The following CUX2 variants were observed in gnomAD, a reference collection of about 807,000 sequenced individuals.
The protein encoded by CUX2 is cut like homeobox 2.
CUX2 carries 40 observed loss-of-function variants against 144.8 expected under a neutral mutation model. The ratio of observed to expected loss-of-function variants is 0.28; its 90% CI spans 0.21 to 0.36. The LOEUF (loss-of-function observed/expected upper bound fraction) is 0.36. Ranked by LOEUF, CUX2 falls within the 10% of genes least tolerant of loss-of-function variation. The probability of loss-of-function intolerance (pLI) is 1.00; values close to 1 mark genes in which losing one functional copy is unlikely to be tolerated. For missense variants in CUX2, 1,615 were observed against 1,994.0 expected, an observed-to-expected ratio of 0.81 and a Z score of 3.62; for synonymous variants, 827 against 875.6, an observed-to-expected ratio of 0.94 and a Z score of 0.98.
intron 4 of CUX2, among the ~76,000 whole-genome samples, chr12:111,274,785 T>G (rs1884783338): frequency 6.6e-6 from 1 of 152,156 alleles, no homozygotes; most frequent in African/African-American, 2.4e-5. Flanking sequence ...CGAAGATATT[T>G]TGGAGGGGTG....
chr12:111,151,127 G>C (rs1295727993), intron 1 of CUX2, among the ~76,000 whole-genome samples: 1 of 152,230 alleles, frequency 6.6e-6, no homozygotes, highest in African/African-American at 2.4e-5. Flanking sequence ...TGTACTAACT[G>C]GTTCCTGCCT....
chr12:111,229,603 T>C (rs762027888), intron 3 of CUX2, among the ~76,000 whole-genome samples: 2 of 152,104 alleles, frequency 1.3e-5, no homozygotes, highest in African/African-American at 2.4e-5. Context: ...GATCACCCAG[T>C]TGAAAGAAAT....
At chr12:111,195,570 GAC>G (rs1566288439) in intron 1 of CUX2, among the ~76,000 whole-genome samples, 1 of 152,192 alleles carries the variant, frequency 6.6e-6, no homozygotes, top group African/African-American at 2.4e-5. Flanking sequence ...CTTGTGGACT[GAC>G]AGACACGAGT....
intron 1 of CUX2, among the ~76,000 whole-genome samples, chr12:111,048,043 G>A (rs1870082289): frequency 6.6e-6 from 1 of 152,178 alleles, no homozygotes; most frequent in South Asian, 2.1e-4. Context: ...GGCCAGTGAG[G>A]CTAGAGAGGG....
rs1381221552 is a variant in CUX2 at position 111,310,049 on chromosome 12, C to G, written c.1267C>G (p.Pro423Ala). 3 of 1,343,852 alleles carry G rather than the reference C, an allele frequency of 2.2e-6. No individual in the cohort carries two copies. In the East Asian group the frequency reaches 8.5e-5, roughly 38 times the overall value. The allele number at this position is 1,343,852 out of a possible 1,614,324, so 83.2% of individuals were successfully genotyped here. A position where few individuals can be genotyped will look rare whatever the true frequency, so the allele number is the denominator to read the frequency against. ...PSLLASPEED[P>A]SEDDSIKDSL... ...CTGTCTGGGTGTTCTAGAGGAAGAC[C>G]CATCAGAGGACGATTCCATCAAGGA... The change falls in exon 15 of 22, where the codon CCA becomes GCA. Residue 423 changes from proline (P) to alanine (A), a missense_variant. This residue lies in a region of CUX2 where 57 missense variants were observed against 60.8 expected (regional missense o/e 0.94). Coordinates refer to ENST00000261726, the MANE Select transcript of CUX2 (RefSeq NM_015267.4). The surrounding 1 kb of genome is among the most constrained non-coding windows in gnomAD (Gnocchi z 7.9).
chr12:111,327,116 G>A (rs1887859396), intron 18 of CUX2, among the ~76,000 whole-genome samples: 2 of 151,978 alleles, frequency 1.3e-5, no homozygotes, highest in Admixed American at 6.6e-5. Context: ...CTGGAATTCC[G>A]CTTTCTTTCT....
chr12:111,200,438 T>C (rs1454037848), intron 1 of CUX2, among the ~76,000 whole-genome samples: 1 of 152,006 alleles, frequency 6.6e-6, no homozygotes, highest in Non-Finnish European at 1.5e-5. Flanking sequence ...GCAAGAACTG[T>C]ATCTCAGGAC....
rs894531920 is a variant in CUX2 at position 111,307,116 on chromosome 12, G to A, written c.1050+4G>A. The A allele has an allele frequency of 6.2e-7, 1 of 1,612,908 alleles. No individual in the cohort carries two copies. The highest frequency in any genetic ancestry group is 1.1e-5 in the South Asian group (1 of 91,026). On this transcript the variant is annotated splice_donor_region_variant and intron_variant, in intron 11 of 21. Transcript: ENST00000261726. This position sits in a 1 kb window ranked among gnomAD's most constrained non-coding sequence, Gnocchi z 4.1. ...GGCCAAGTCCGAGGCCATAGAAGTGGGTCCTGGGGAGGAGGCAGGCGGGCA... is the reference window on the plus strand; with the variant it reads ...GGCCAAGTCCGAGGCCATAGAAGTGAGTCCTGGGGAGGAGGCAGGCGGGCA...
At chr12:111,337,098 C>T (rs1888386604) in intron 19 of CUX2, among the ~76,000 whole-genome samples, 1 of 151,972 alleles carries the variant, frequency 6.6e-6, no homozygotes, top group Non-Finnish European at 1.5e-5. Flanking sequence ...TGGCTTGAGC[C>T]CAGGAGACAG....
intron 1 of CUX2, among the ~76,000 whole-genome samples, chr12:111,170,441 G>GAA (rs66614071): frequency 0.11 from 14,743 of 140,118 alleles, 1,902 homozygotes; most frequent in African/African-American, 0.29. Context: ...AAGAAAGAAA[G>GAA]AAAAAAAAAA....
chr12:111,279,316 C>T lies in CUX2; in HGVS notation c.302-12102C>T, dbSNP rs576338299. ...CTTCCTATGAGACTTGGAGCCTTGGCAGTTCCTCGGTCCTGCCTGTCTCAC... is the reference window on the plus strand; with the variant it reads ...CTTCCTATGAGACTTGGAGCCTTGGTAGTTCCTCGGTCCTGCCTGTCTCAC... On this transcript the variant is annotated intron_variant, in intron 4 of 21. Transcript: ENST00000261726. 2.6e-5 allele frequency among the ~76,000 whole-genome samples: 4 copies of T among 152,286 alleles called. No individual in the cohort carries two copies. The East Asian group carries it at 7.7e-4, about 29-fold the overall frequency.
At chr12:111,210,647 AT>A (rs1881168852) in intron 1 of CUX2, among the ~76,000 whole-genome samples, 1 of 152,090 alleles carries the variant, frequency 6.6e-6, no homozygotes, top group African/African-American at 2.4e-5. Flanking sequence ...AAATGCAAAA[AT>A]TAGCTAGGCA....
intron 1 of CUX2, among the ~76,000 whole-genome samples, chr12:111,091,961 C>T (rs993671045): frequency 6.6e-6 from 1 of 152,226 alleles, no homozygotes. Context: ...CTGATTAAAT[C>T]CACCCGCCTT....
At chr12:111,299,652 G>A (rs1886188186) in intron 9 of CUX2, among the ~76,000 whole-genome samples, 1 of 152,180 alleles carries the variant, frequency 6.6e-6, no homozygotes. Context: ...TTTCTGAAAT[G>A]ATCATTAAGT....
Position 111,334,597 on chromosome 12 carries a change from A to G in CUX2, c.3083A>G (p.Tyr1028Cys). ...RSSSSLSGKM[Y>C]SGSQAPGGIQ... ...AGCTCCTCGTTGAGCGGGAAGATGT[A>G]CTCAGGCAGCCAGGCCCCAGGGGGC... Residue 1028 changes from tyrosine to cysteine, a missense_variant, in exon 19 of 22, where the codon TAC becomes TGC. By Grantham distance (194) the Tyr-to-Cys change is radical (BLOSUM62 -2). This residue lies in a region of CUX2 where 128 missense variants were observed against 124.4 expected (regional missense o/e 1.03). Coordinates refer to ENST00000261726, the MANE Select transcript of CUX2 (RefSeq NM_015267.4). 6.2e-7 allele frequency: 1 copy of G among 1,613,964 alleles called. No individual in the cohort carries two copies. The highest frequency in any genetic ancestry group is 8.5e-7 in the Non-Finnish European group (1 of 1,180,020).
chr12:111,158,653 A>G (rs1877548272), intron 1 of CUX2, among the ~76,000 whole-genome samples: 1 of 152,106 alleles, frequency 6.6e-6, no homozygotes, highest in Non-Finnish European at 1.5e-5. Context: ...GGGACCCTGC[A>G]TGTTTTACAC....
At chr12:111,229,664 G>A (rs1233859391) in intron 3 of CUX2, among the ~76,000 whole-genome samples, 2 of 152,124 alleles carry the variant, frequency 1.3e-5, no homozygotes, top group African/African-American at 4.8e-5. Context: ...CACTTTGGGA[G>A]GCTGAGGTGG....
rs115691083 is a variant in CUX2 at position 111,146,991 on chromosome 12, T to C, written c.64-67209T>C. ...TCTATTAAAAATACAAAAAATTAGT[T>C]GGGCATGGTGTCACGTGCCTGTAAT... is the stretch of plus-strand genomic sequence containing the variant. On this transcript the variant is annotated intron_variant, in intron 1 of 21. Transcript: ENST00000261726. Among the ~76,000 whole-genome samples the C allele has an allele frequency of 8.2e-3, 1,245 of 152,058 alleles. 13 individuals carry two copies. The highest frequency in any genetic ancestry group is 0.028 in the African/African-American group (1,166 of 41,514).
intron 1 of CUX2, among the ~76,000 whole-genome samples, chr12:111,185,568 G>T (rs917647694): frequency 6.6e-6 from 1 of 152,220 alleles, no homozygotes; most frequent in Non-Finnish European, 1.5e-5. Flanking sequence ...GCTGTTTCTG[G>T]CTGTGCTAGG....
Sources: allele counts gnomAD v4.1 joint callset (sites outside exome capture counted in the v4.1 genomes callset), GRCh38; gene constraint gnomAD v4.1.1; regional missense constraint gnomAD v4.1.1; non-coding constraint Gnocchi (gnomAD v3.1); transcripts MANE v1.5; gene names NCBI Gene and HGNC (gene_info 2026-07-23, HGNC 2026-07-21).